The following TAFA4 variants were observed in gnomAD, a reference collection of about 807,000 sequenced individuals.
TAFA4 encodes the protein chemokine-like protein TAFA-4.
In TAFA4, 20 loss-of-function variants were observed where a neutral mutation model predicts 21.1. That is an observed-to-expected ratio of 0.95 (90% CI 0.67 to 1.38). The LOEUF is 1.38. Among genes scored for constraint, TAFA4 ranks in the 40% most tolerant of loss-of-function variants. The pLI, the probability that TAFA4 is intolerant of heterozygous loss-of-function variation, is 0.00. For missense variants in TAFA4, 211 were observed against 180.9 expected, an observed-to-expected ratio of 1.17 and a Z score of -0.95; for synonymous variants, 71 against 67.4, an observed-to-expected ratio of 1.05 and a Z score of -0.26.
chr3:68,850,164 A>T (rs1032699305), intron 3 of TAFA4, among the ~76,000 whole-genome samples: 16 of 152,212 alleles, frequency 1.1e-4, no homozygotes, highest in Non-Finnish European at 2.4e-4. Context: ...AATGCAACTC[A>T]TTTATACTAA....
intron 3 of TAFA4, among the ~76,000 whole-genome samples, chr3:68,873,499 T>C (rs983445390): frequency 6.6e-6 from 1 of 152,078 alleles, no homozygotes; most frequent in African/African-American, 2.4e-5. Flanking sequence ...CCTTTCAATT[T>C]GGGTATTATT....
At chr3:68,917,753 C>CCAAAAA (rs764665164) in intron 1 of TAFA4, among the ~76,000 whole-genome samples, 12 of 58,186 alleles carry the variant, frequency 2.1e-4, no homozygotes, top group African/African-American at 7.7e-4. Flanking sequence ...GACTCTGTCT[C>CCAAAAA]AAAAAAAAAA....
intron 2 of TAFA4, among the ~76,000 whole-genome samples, chr3:68,884,463 C>T (rs1473674130): frequency 6.6e-6 from 1 of 152,200 alleles, no homozygotes; most frequent in East Asian, 1.9e-4. Context: ...CACTGCCTCC[C>T]CACGGTCTAA....
chr3:68,813,331 C>G (rs1021922671), intron 3 of TAFA4, among the ~76,000 whole-genome samples: 1 of 152,118 alleles, frequency 6.6e-6, no homozygotes, highest in Non-Finnish European at 1.5e-5. Flanking sequence ...GAGAGCAGAA[C>G]TGAAGGAGAC....
chr3:68,841,239 C>A (rs1340133371), intron 3 of TAFA4, among the ~76,000 whole-genome samples: 1 of 86,974 alleles, frequency 1.1e-5, no homozygotes, highest in African/African-American at 3.9e-5. Context: ...AGGAGAATGG[C>A]GTGAACCCGG....
intron 1 of TAFA4, among the ~76,000 whole-genome samples, chr3:68,893,946 T>C (rs1237576786): frequency 6.6e-6 from 1 of 152,184 alleles, no homozygotes; most frequent in Non-Finnish European, 1.5e-5. Context: ...TAAAGCCATA[T>C]TTATAAATAG....
chr3:68,792,931 C>G (rs1161703622), intron 3 of TAFA4, among the ~76,000 whole-genome samples: 1 of 152,160 alleles, frequency 6.6e-6, no homozygotes, highest in African/African-American at 2.4e-5. Context: ...CTGAGGCCAT[C>G]TACACAAAGG....
At chr3:68,876,977 G>A (rs1030383814) in intron 3 of TAFA4, among the ~76,000 whole-genome samples, 7 of 151,884 alleles carry the variant, frequency 4.6e-5, no homozygotes, top group Non-Finnish European at 8.8e-5. Flanking sequence ...GCTGAGTCCC[G>A]AAGAGGTTTC....
At chr3:68,823,633 G>A (rs1704161804) in intron 3 of TAFA4, among the ~76,000 whole-genome samples, 1 of 152,074 alleles carries the variant, frequency 6.6e-6, no homozygotes, top group East Asian at 1.9e-4. Context: ...CCCAGTGTAT[G>A]TTGTTCCCCT....
chr3:68,874,542 G>C (rs2106941859), intron 3 of TAFA4, among the ~76,000 whole-genome samples: 1 of 152,186 alleles, frequency 6.6e-6, no homozygotes, highest in Middle Eastern at 3.4e-3. Flanking sequence ...CCAAATTGTA[G>C]GCTTTGTTTA....
At chr3:68,860,823 C>T (rs541908806) in intron 3 of TAFA4, among the ~76,000 whole-genome samples, 18 of 152,066 alleles carry the variant, frequency 1.2e-4, no homozygotes, top group Non-Finnish European at 1.0e-4. Context: ...TTCTTTAACA[C>T]GTAGGTCCCT....
At chr3:68,869,275 A>C (rs2089454879) in intron 3 of TAFA4, among the ~76,000 whole-genome samples, 1 of 152,024 alleles carries the variant, frequency 6.6e-6, no homozygotes, top group African/African-American at 2.4e-5. Context: ...AATTCCACCA[A>C]ATATTTAAAG....
chr3:68,841,317 C>T (rs1320934958), intron 3 of TAFA4, among the ~76,000 whole-genome samples: 1 of 139,302 alleles, frequency 7.2e-6, no homozygotes, highest in African/African-American at 3.0e-5. Context: ...AGCGAGACTC[C>T]GTCTCAAAAA....
At chr3:68,793,982 T>C (rs996999506) in intron 3 of TAFA4, among the ~76,000 whole-genome samples, 1 of 152,188 alleles carries the variant, frequency 6.6e-6, no homozygotes, top group Non-Finnish European at 1.5e-5. Flanking sequence ...AGTGGACAGG[T>C]TGTCAGAATC....
intron 3 of TAFA4, among the ~76,000 whole-genome samples, chr3:68,811,487 A>C (rs1033154318): frequency 6.6e-6 from 1 of 152,226 alleles, no homozygotes; most frequent in Non-Finnish European, 1.5e-5. Context: ...AAAGGACCTG[A>C]TGGAGCTGAA....
chr3:68,928,564 T>C (rs2090130699), intron 1 of TAFA4, among the ~76,000 whole-genome samples: 1 of 152,202 alleles, frequency 6.6e-6, no homozygotes, highest in Non-Finnish European at 1.5e-5. Flanking sequence ...TACTCTTCCA[T>C]CGCCAGCTCC....
intron 1 of TAFA4, among the ~76,000 whole-genome samples, chr3:68,926,145 C>T (rs930404570): frequency 6.6e-6 from 1 of 151,374 alleles, no homozygotes; most frequent in Non-Finnish European, 1.5e-5. Context: ...GGCAGAATTG[C>T]TTGAACCCAA....
At chr3:68,805,812 G>A (rs1703683915) in intron 3 of TAFA4, among the ~76,000 whole-genome samples, 1 of 152,004 alleles carries the variant, frequency 6.6e-6, no homozygotes, top group South Asian at 2.1e-4. Flanking sequence ...TTGTGGGGTG[G>A]GGGGAGGAGA....
At chr3:68,861,017 A>C (rs773151205) in intron 3 of TAFA4, among the ~76,000 whole-genome samples, 2 of 141,252 alleles carry the variant, frequency 1.4e-5, no homozygotes, top group African/African-American at 2.7e-5. Context: ...GCATTTTGTG[A>C]TGTTAAATAT....
Sources: gnomAD v4.1 joint callset for allele counts (sites outside exome capture counted in the v4.1 genomes callset) on GRCh38, gnomAD v4.1.1 for gene constraint, MANE v1.5 for transcripts, NCBI Gene and HGNC (gene_info 2026-07-23, HGNC 2026-07-21) for gene names.